CA10: variants seen among roughly 807,000 people sequenced by gnomAD.
CA10 encodes the protein carbonic anhydrase-related protein 10.
In CA10, 14 loss-of-function variants were observed where a neutral mutation model predicts 44.2. That is an observed-to-expected ratio of 0.32 (90% CI 0.21 to 0.50). CA10 has a LOEUF of 0.50. CA10 is among the 20% of genes least tolerant of loss of function. The pLI, the probability that CA10 is intolerant of heterozygous loss-of-function variation, is 0.99. For synonymous variants in CA10, 159 were observed against 141.6 expected, an observed-to-expected ratio of 1.12 and a Z score of -0.87; for missense variants, 350 against 409.7, an observed-to-expected ratio of 0.85 and a Z score of 1.26.
chr17:52,038,183 TA>T (rs754700085), intron 2 of CA10, among the ~76,000 whole-genome samples: 3 of 152,186 alleles, frequency 2.0e-5, no homozygotes, highest in Non-Finnish European at 4.4e-5. Context: ...GTTATGCACA[TA>T]AACTGAACAA....
chr17:51,955,422 C>G (rs1199485554), intron 2 of CA10, among the ~76,000 whole-genome samples: 3 of 152,176 alleles, frequency 2.0e-5, no homozygotes, highest in Non-Finnish European at 4.4e-5. Context: ...TCCACTCCAG[C>G]TTCATTTTCT....
intron 3 of CA10, among the ~76,000 whole-genome samples, chr17:51,754,907 C>T (rs962126449): frequency 9.2e-5 from 14 of 151,742 alleles, no homozygotes; most frequent in East Asian, 1.9e-4. Context: ...TACAAATATG[C>T]GTGTGTGTAT....
At chr17:52,082,398 C>T (rs1452254002) in intron 1 of CA10, among the ~76,000 whole-genome samples, 1 of 152,174 alleles carries the variant, frequency 6.6e-6, no homozygotes, top group Non-Finnish European at 1.5e-5. Context: ...AATTTTGCTT[C>T]TTTCACCAAA....
intron 3 of CA10, among the ~76,000 whole-genome samples, chr17:51,821,172 G>T (rs1012184343): frequency 7.4e-6 from 1 of 134,864 alleles, no homozygotes; most frequent in African/African-American, 2.8e-5. Context: ...CCAGGTACTA[G>T]ATGCTAAGTG....
intron 3 of CA10, among the ~76,000 whole-genome samples, chr17:51,820,446 A>G (rs1259939604): frequency 8.4e-6 from 1 of 118,790 alleles, no homozygotes; most frequent in East Asian, 3.0e-4. Context: ...TACAAAGTTA[A>G]GCTCCTAGTT....
intron 3 of CA10, among the ~76,000 whole-genome samples, chr17:51,917,755 C>T (rs996874424): frequency 1.3e-5 from 2 of 152,160 alleles, no homozygotes; most frequent in African/African-American, 2.4e-5. Context: ...GAAATCCACC[C>T]CCATGGTCCA....
chr17:51,724,260 G>A (rs577699305), intron 4 of CA10, among the ~76,000 whole-genome samples: 1 of 152,334 alleles, frequency 6.6e-6, no homozygotes, highest in Admixed American at 6.5e-5. Flanking sequence ...CAAAATAAGT[G>A]ACATTCCTTG....
intron 1 of CA10, among the ~76,000 whole-genome samples, chr17:52,147,917 A>G (rs1177420360): frequency 6.6e-6 from 1 of 152,126 alleles, no homozygotes; most frequent in Admixed American, 6.5e-5. Flanking sequence ...ACAACAACAA[A>G]TTATCCAATT....
intron 3 of CA10, among the ~76,000 whole-genome samples, chr17:51,822,966 C>T (rs1907870471): frequency 6.6e-6 from 1 of 152,122 alleles, no homozygotes. Flanking sequence ...ACTCAACTGC[C>T]CTCCCCCACC....
At chr17:51,861,942 T>C (rs1263120125) in intron 3 of CA10, among the ~76,000 whole-genome samples, 3 of 152,202 alleles carry the variant, frequency 2.0e-5, no homozygotes, top group Non-Finnish European at 4.4e-5. Context: ...TCTGTAAGGC[T>C]AGAAAGGGTT....
At chr17:51,988,917 C>CT (rs920064182) in intron 2 of CA10, among the ~76,000 whole-genome samples, 2 of 151,836 alleles carry the variant, frequency 1.3e-5, no homozygotes, top group Non-Finnish European at 1.5e-5. Flanking sequence ...GCTATTTCAC[C>CT]TTTTTTTGGA....
chr17:51,939,754 T>G (rs1983007124), intron 2 of CA10, among the ~76,000 whole-genome samples: 1 of 152,122 alleles, frequency 6.6e-6, no homozygotes, highest in Non-Finnish European at 1.5e-5. Flanking sequence ...GTTATTTATG[T>G]TTTTCATTTC....
chr17:51,884,351 CCT>C lies in CA10; in HGVS notation c.279+46637_279+46638del, dbSNP rs139556922. Among the ~76,000 whole-genome samples, 201 of 152,124 alleles carry C rather than the reference CCT, an allele frequency of 1.3e-3. 1 individual carries two copies. Among genetic ancestry groups the C allele is most frequent in the African/African-American group, 4.7e-3 (194 of 41,504 alleles). The stretch of plus-strand genomic sequence containing the variant: ...AATTGAAAGCAAAATCCTTGCAATC[CCT>C]CTCACCTCATTGCCCTCTACTCCTC... On this transcript the variant is annotated intron_variant, in intron 3 of 8. Transcript: ENST00000451037.
intron 1 of CA10, among the ~76,000 whole-genome samples, chr17:52,100,507 G>A (rs904117035): frequency 2.0e-5 from 3 of 152,042 alleles, no homozygotes; most frequent in African/African-American, 7.2e-5. Context: ...AAAAACAAAA[G>A]CAAAACTCTA....
At chr17:51,800,515 A>T (rs1906885951) in intron 3 of CA10, among the ~76,000 whole-genome samples, 1 of 152,190 alleles carries the variant, frequency 6.6e-6, no homozygotes, top group South Asian at 2.1e-4. Context: ...TCTATAAAAA[A>T]ACAAGAACCA....
chr17:51,845,612 T>G (rs1343496163), intron 3 of CA10, among the ~76,000 whole-genome samples: 5 of 152,190 alleles, frequency 3.3e-5, no homozygotes, highest in Admixed American at 3.3e-4. Flanking sequence ...AGATCCAATT[T>G]CCCCAACTCA....
chr17:51,774,898 T>C (rs1905757809), intron 3 of CA10, among the ~76,000 whole-genome samples: 1 of 152,170 alleles, frequency 6.6e-6, no homozygotes, highest in African/African-American at 2.4e-5. Flanking sequence ...ATACATCCTA[T>C]AGTTACGCAC....
intron 2 of CA10, among the ~76,000 whole-genome samples, chr17:52,045,494 A>G (rs1163331190): frequency 6.6e-6 from 1 of 152,058 alleles, no homozygotes; most frequent in African/African-American, 2.4e-5. Flanking sequence ...TACAGTATAT[A>G]ACATGAGTAG....
chr17:51,777,140 A>G (rs1002444936), intron 3 of CA10, among the ~76,000 whole-genome samples: 1 of 152,216 alleles, frequency 6.6e-6, no homozygotes, highest in Admixed American at 6.5e-5. Flanking sequence ...TCTGGCTTAC[A>G]ATTGTGTGAA....
Sources: allele counts gnomAD v4.1 joint callset (sites outside exome capture counted in the v4.1 genomes callset), GRCh38; gene constraint gnomAD v4.1.1; transcripts MANE v1.5; gene names NCBI Gene and HGNC (gene_info 2026-07-23, HGNC 2026-07-21).